The following SCAI variants were observed in gnomAD, a reference collection of about 807,000 sequenced individuals.
The protein encoded by SCAI is protein SCAI.
A neutral mutation model predicts 92.2 loss-of-function variants in SCAI; 24 were observed. The observed-to-expected ratio is 0.26, with a 90% CI of 0.19 to 0.37. SCAI has a LOEUF of 0.37. Ranked by LOEUF, SCAI falls within the 10% of genes least tolerant of loss-of-function variation. The pLI, the probability that SCAI is intolerant of heterozygous loss-of-function variation, is 1.00. For synonymous variants in SCAI, 261 were observed against 258.6 expected, an observed-to-expected ratio of 1.01 and a Z score of -0.09; for missense variants, 450 against 736.2, an observed-to-expected ratio of 0.61 and a Z score of 4.50.
rs1007254109 is a variant in SCAI at position 124,946,472 on chromosome 9, G to A, written c.*6335C>T. On this transcript the variant is annotated 3_prime_UTR_variant, in exon 18 of 18. Coordinates refer to ENST00000336505, the MANE Select transcript of SCAI (RefSeq NM_001144877.3). This position sits in a 1 kb window ranked among gnomAD's most constrained non-coding sequence, Gnocchi z 4.0. ...ATAGATTTAATCTTCCAAAGAATAC[G>A]GTGTAAAAAGTTGCTTTGCAGTTAT... 16 of 152,124 alleles carry A rather than the reference G, an allele frequency of 1.1e-4. No individual in the cohort carries two copies. Among genetic ancestry groups the A allele is most frequent in the African/African-American group, 3.1e-4 (13 of 41,508 alleles). The allele number at this position is 152,124 out of a possible 1,614,324, so 9.4% of individuals were successfully genotyped here.
chr9:125,122,748 T>C (rs539788421), intron 2 of SCAI, among the ~76,000 whole-genome samples: 1 of 151,708 alleles, frequency 6.6e-6, no homozygotes, highest in Non-Finnish European at 1.5e-5. Context: ...CTACCAAAAA[T>C]ACAAAAAATT....
At chr9:125,061,296 C>CA (rs575719225) in intron 2 of SCAI, among the ~76,000 whole-genome samples, 2,610 of 140,912 alleles carry the variant, frequency 0.019, 63 homozygotes, top group African/African-American at 0.057. Context: ...GACTCCGTCT[C>CA]AAAAAAAAAA....
At chr9:125,009,131 G>C in intron 9 of SCAI, among the ~76,000 whole-genome samples, 1 of 151,658 alleles carries the variant, frequency 6.6e-6, no homozygotes, top group South Asian at 2.1e-4. Flanking sequence ...AAAGAAATAA[G>C]AAAATACATT....
chr9:125,050,853 A>G (rs1833547263), intron 3 of SCAI, among the ~76,000 whole-genome samples: 1 of 152,080 alleles, frequency 6.6e-6, no homozygotes, highest in Non-Finnish European at 1.5e-5. Context: ...TACAGGTATC[A>G]GCCACTGCTC....
intron 2 of SCAI, among the ~76,000 whole-genome samples, chr9:125,066,705 G>A (rs1465625088): frequency 6.6e-6 from 1 of 151,942 alleles, no homozygotes; most frequent in South Asian, 2.1e-4. Context: ...CGCCTGCCTC[G>A]GCCTCCCAAA....
chr9:125,040,581 T>G (rs1333056588), intron 3 of SCAI, among the ~76,000 whole-genome samples: 1 of 152,140 alleles, frequency 6.6e-6, no homozygotes, highest in Non-Finnish European at 1.5e-5. Flanking sequence ...AATCAATATC[T>G]TCCTGATGAA....
chr9:125,066,354 C>T (rs1036442678), intron 2 of SCAI, among the ~76,000 whole-genome samples: 1 of 152,238 alleles, frequency 6.6e-6, no homozygotes, highest in Non-Finnish European at 1.5e-5. Context: ...TCACTCACCA[C>T]TTGCTCACTG....
intron 2 of SCAI, among the ~76,000 whole-genome samples, chr9:125,079,985 T>C (rs1047770727): frequency 6.6e-6 from 1 of 152,192 alleles, no homozygotes; most frequent in East Asian, 1.9e-4. Context: ...GGTACCTTGA[T>C]TGTCTACATA....
At chr9:125,037,152 C>T (rs1433394517) in intron 3 of SCAI, among the ~76,000 whole-genome samples, 1 of 152,016 alleles carries the variant, frequency 6.6e-6, no homozygotes, top group Non-Finnish European at 1.5e-5. Flanking sequence ...GCCCATAATC[C>T]CAGCTACTTG....
At chr9:125,063,108 C>A (rs1229094209) in intron 2 of SCAI, among the ~76,000 whole-genome samples, 5 of 150,422 alleles carry the variant, frequency 3.3e-5, no homozygotes, top group East Asian at 1.9e-4. Flanking sequence ...CCCCACCCCC[C>A]CCAGAAAAGG....
chr9:125,129,481 T>G (rs1049784440), intron 2 of SCAI, among the ~76,000 whole-genome samples: 1 of 93,112 alleles, frequency 1.1e-5, no homozygotes, highest in Non-Finnish European at 2.2e-5. Context: ...TTTTTTTTTT[T>G]GAGACAGAGC....
intron 2 of SCAI, among the ~76,000 whole-genome samples, chr9:125,084,433 G>C (rs1364439650): frequency 6.6e-6 from 1 of 151,922 alleles, no homozygotes; most frequent in African/African-American, 2.4e-5. Context: ...GCCTCCCAAA[G>C]TGCTGGGATT....
intron 2 of SCAI, among the ~76,000 whole-genome samples, chr9:125,072,685 C>A (rs1345778674): frequency 6.6e-6 from 1 of 152,124 alleles, no homozygotes; most frequent in South Asian, 2.1e-4. Context: ...CTTAATAACT[C>A]CCCCATTTTC....
chr9:125,009,109 G>T (rs1832575127), intron 9 of SCAI, among the ~76,000 whole-genome samples: 1 of 151,882 alleles, frequency 6.6e-6, no homozygotes, highest in African/African-American at 2.4e-5. Flanking sequence ...TATACTGTCA[G>T]TAAGAGTTAA....
rs1253545144 is a variant in SCAI at position 124,962,172 on chromosome 9, C to CG, written c.1674+9197dup. ...TGTCTTTTTTTTTTTTTTTTTTTTGCGGGGGGGGATGGAGTCTTGCTCTGT... is the reference window on the plus strand; with the variant it reads ...TGTCTTTTTTTTTTTTTTTTTTTTGCGGGGGGGGGATGGAGTCTTGCTCTGT... On this transcript the variant is annotated intron_variant, in intron 17 of 17. Coordinates refer to ENST00000336505, the MANE Select transcript of SCAI (RefSeq NM_001144877.3). Among the ~76,000 whole-genome samples, 25 of 93,678 alleles carry CG rather than the reference C, an allele frequency of 2.7e-4. No homozygotes were observed. In the South Asian group the frequency reaches 2.8e-3, roughly 11 times the overall value. 61.5% of individuals were successfully genotyped at this position (93,678 alleles called of 152,430 possible).
intron 2 of SCAI, among the ~76,000 whole-genome samples, chr9:125,070,925 G>C (rs1048708130): frequency 1.3e-5 from 2 of 152,120 alleles, no homozygotes; most frequent in Non-Finnish European, 2.9e-5. Context: ...TTGTGGGAGG[G>C]ACCCGGCGAG....
At chr9:124,997,712 C>G (rs1255548876) in intron 13 of SCAI, among the ~76,000 whole-genome samples, 1 of 151,838 alleles carries the variant, frequency 6.6e-6, no homozygotes, top group Non-Finnish European at 1.5e-5. Flanking sequence ...CCCATCTCTA[C>G]TAAAAATACA....
At chr9:125,118,542 T>C (rs1341953085) in intron 2 of SCAI, among the ~76,000 whole-genome samples, 6 of 113,326 alleles carry the variant, frequency 5.3e-5, no homozygotes, top group African/African-American at 2.0e-4. Flanking sequence ...AAATAAAGCA[T>C]AATGACAACA....
intron 13 of SCAI, 83 bp from the exon 14 acceptor site, chr9:124,995,098 C>A (rs960669525): frequency 1.0e-6 from 1 of 1,002,102 alleles, no homozygotes; most frequent in Non-Finnish European, 1.5e-6. Flanking sequence ...CTGCTCATAT[C>A]TCCTTTGCAT....
Sources: gnomAD v4.1 joint callset for allele counts (sites outside exome capture counted in the v4.1 genomes callset) on GRCh38, gnomAD v4.1.1 for gene constraint, Gnocchi (gnomAD v3.1) non-coding constraint, MANE v1.5 for transcripts, NCBI Gene and HGNC (gene_info 2026-07-23, HGNC 2026-07-21) for gene names.